Variants in BMPER observed in about 807,000 individuals in gnomAD.
The protein encoded by BMPER is BMP binding endothelial regulator.
In BMPER, 45 loss-of-function variants were observed where a neutral mutation model predicts 87.3. The ratio of observed to expected loss-of-function variants is 0.52; its 90% confidence interval spans 0.41 to 0.66. The LOEUF (loss-of-function observed/expected upper bound fraction) is 0.66. Ranked by LOEUF, BMPER falls within the 30% of genes least tolerant of loss-of-function variation. The probability of loss-of-function intolerance (pLI) is 0.00; values close to 1 mark genes in which losing one functional copy is unlikely to be tolerated. For missense variants in BMPER, 784 were observed against 867.5 expected, an observed-to-expected ratio of 0.90 and a Z score of 1.21; for synonymous variants, 326 against 316.2, an observed-to-expected ratio of 1.03 and a Z score of -0.33.
At chr7:34,096,080 G>A (rs1439642199) in intron 13 of BMPER, among the ~76,000 whole-genome samples, 1 of 152,138 alleles carries the variant, frequency 6.6e-6, no homozygotes, top group African/African-American at 2.4e-5. Flanking sequence ...GCTCTTGTGC[G>A]AACAGGCCTG....
At chr7:34,109,737 A>AT (rs1198701495) in intron 13 of BMPER, among the ~76,000 whole-genome samples, 1 of 152,230 alleles carries the variant, frequency 6.6e-6, no homozygotes, top group African/African-American at 2.4e-5. Flanking sequence ...TCCATGCCAG[A>AT]TGCCTGCTGC....
chr7:33,916,473 C>T (rs1370671991), intron 2 of BMPER, among the ~76,000 whole-genome samples: 1 of 152,186 alleles, frequency 6.6e-6, no homozygotes, highest in Non-Finnish European at 1.5e-5. Flanking sequence ...TGGCCAGCAT[C>T]CTGCTTTCCA....
At chr7:33,972,195 G>A (rs748451117) in intron 5 of BMPER, among the ~76,000 whole-genome samples, 4 of 152,208 alleles carry the variant, frequency 2.6e-5, no homozygotes, top group Middle Eastern at 6.8e-3. Flanking sequence ...GAGCCCCTAC[G>A]CCCGGCCGAC....
intron 12 of BMPER, among the ~76,000 whole-genome samples, chr7:34,081,500 G>T (rs1789047423): frequency 6.6e-6 from 1 of 152,186 alleles, no homozygotes; most frequent in South Asian, 2.1e-4. Context: ...GTGTAGTTTG[G>T]GTGGAATTAG....
intron 14 of BMPER, among the ~76,000 whole-genome samples, chr7:34,144,594 T>C (rs1235602730): frequency 9.8e-6 from 1 of 102,348 alleles, no homozygotes; most frequent in Non-Finnish European, 2.2e-5. Context: ...GTCTAGATTT[T>C]AGAAATTTGC....
intron 6 of BMPER, among the ~76,000 whole-genome samples, chr7:34,010,144 G>T (rs1585733762): frequency 6.6e-6 from 1 of 151,958 alleles, no homozygotes; most frequent in Non-Finnish European, 1.5e-5. Context: ...AACATGGGAT[G>T]TCTTATGTTT....
intron 6 of BMPER, among the ~76,000 whole-genome samples, chr7:33,993,684 G>T (rs886320946): frequency 6.6e-6 from 1 of 152,114 alleles, no homozygotes; most frequent in African/African-American, 2.4e-5. Flanking sequence ...CTTTGGAGGA[G>T]GAGAGGCCCT....
At chr7:34,111,219 A>T (rs1789953556) in intron 13 of BMPER, among the ~76,000 whole-genome samples, 1 of 152,254 alleles carries the variant, frequency 6.6e-6, no homozygotes. Context: ...CAAATGGGAA[A>T]TGAGAGACTC....
intron 13 of BMPER, among the ~76,000 whole-genome samples, chr7:34,107,617 C>T (rs1409626640): frequency 6.6e-6 from 1 of 152,148 alleles, no homozygotes; most frequent in Admixed American, 6.5e-5. Context: ...AGGTGTTTTT[C>T]TCCTCTCTTC....
intron 14 of BMPER, 105 bp from the exon 15 acceptor site, chr7:34,152,987 G>A (rs1296083806): frequency 9.9e-6 from 13 of 1,308,122 alleles, no homozygotes; most frequent in Non-Finnish European, 1.3e-5. Flanking sequence ...CTGAGCTATG[G>A]AAACGTCCAT....
At chr7:34,152,398 A>C (rs1791200001) in intron 14 of BMPER, among the ~76,000 whole-genome samples, 1 of 152,194 alleles carries the variant, frequency 6.6e-6, no homozygotes, top group South Asian at 2.1e-4. Flanking sequence ...TGACAAGTCT[A>C]GTCATGAATT....
At chr7:34,098,672 A>C (rs1789598903) in intron 13 of BMPER, among the ~76,000 whole-genome samples, 1 of 152,192 alleles carries the variant, frequency 6.6e-6, no homozygotes, top group Non-Finnish European at 1.5e-5. Flanking sequence ...AACTGCTGAA[A>C]GAACCTGGGC....
At chr7:34,024,636 G>T (rs1255478681) in intron 6 of BMPER, among the ~76,000 whole-genome samples, 3 of 150,954 alleles carry the variant, frequency 2.0e-5, no homozygotes, top group Non-Finnish European at 4.4e-5. Flanking sequence ...CTTTCTTGAT[G>T]TATCAGTTTA....
intron 6 of BMPER, among the ~76,000 whole-genome samples, chr7:33,994,420 A>T (rs1240749922): frequency 6.6e-6 from 1 of 152,208 alleles, no homozygotes; most frequent in Admixed American, 6.5e-5. Context: ...TGACTCAGAA[A>T]GGGAACTCCC....
At chr7:34,097,293 C>CTGTTCTGTGAGGTGGTGCCATAGA (rs1789554950) in intron 13 of BMPER, among the ~76,000 whole-genome samples, 1 of 152,210 alleles carries the variant, frequency 6.6e-6, no homozygotes, top group Non-Finnish European at 1.5e-5. Context: ...AGCTGAGAGA[C>CTGTTCTGTGAGGTGGTGCCATAGA]TGTTCTGTGA....
In BMPER at chr7:33,973,238, C is replaced by G. The variant is rs568062124; in HGVS notation, c.494-1464C>G. ...GTGTGACAAAATCAGTGCTACAAAC[C>G]TGTATGAAAGAATTAAAGCTGCCTT... On this transcript the variant is annotated intron_variant, in intron 5 of 14. Transcript: ENST00000649409. 1.1e-4 allele frequency among the ~76,000 whole-genome samples: 16 copies of G among 152,222 alleles called. No individual in the cohort carries two copies. The East Asian group carries it at 2.7e-3, about 26-fold the overall frequency.
At chr7:33,905,808 GGCGC>G in intron 1 of BMPER, 62 bp downstream of exon 1, 1 of 1,484,884 alleles carries the variant, frequency 6.7e-7, no homozygotes, top group Non-Finnish European at 9.2e-7. Context: ...TGGGAAAGGT[GGCGC>G]TGGCTTGCCC....
intron 6 of BMPER, among the ~76,000 whole-genome samples, chr7:33,989,557 T>C (rs1424105573): frequency 6.6e-6 from 1 of 152,182 alleles, no homozygotes; most frequent in Non-Finnish European, 1.5e-5. Flanking sequence ...TTCTCCCATT[T>C]TGTAGGTTGC....
chr7:34,055,249 AC>A lies in BMPER; in HGVS notation c.874del (p.Arg292GlufsTer34). On this transcript the variant is annotated frameshift_variant, in exon 9 of 15. Coordinates refer to ENST00000649409, the MANE Select transcript of BMPER (RefSeq NM_001365308.1). LOFTEE classifies it high-confidence loss of function. ...AGGGCTGTTGTGAAGAGTGCCTCCTACGAGTGCCCCCAGAAGACATCAAAGT... is the reference window on the plus strand; with the variant it reads ...AGGGCTGTTGTGAAGAGTGCCTCCTAGAGTGCCCCCAGAAGACATCAAAGT... ...QEGCCEECLL[R>X]VPPEDIKVCK... The A allele has an allele frequency of 6.2e-7, 1 of 1,614,166 alleles. No individual in the cohort carries two copies. Among genetic ancestry groups the A allele is most frequent in the Non-Finnish European group, 8.5e-7 (1 of 1,180,032 alleles).
Sources: allele counts gnomAD v4.1 joint callset (sites outside exome capture counted in the v4.1 genomes callset), GRCh38; gene constraint gnomAD v4.1.1; transcripts MANE v1.5; gene names NCBI Gene and HGNC (gene_info 2026-07-23, HGNC 2026-07-21).